Variants in LDLRAD4 observed in about 807,000 individuals in gnomAD.
LDLRAD4 encodes low density lipoprotein receptor class A domain containing 4.
LDLRAD4 carries 5 observed loss-of-function variants against 17.0 expected under a neutral mutation model. The ratio of observed to expected loss-of-function variants is 0.29; its 90% confidence interval spans 0.15 to 0.62. LDLRAD4 has a LOEUF of 0.62. Ranked by LOEUF, LDLRAD4 falls within the 20% of genes least tolerant of loss-of-function variation. The pLI, the probability that LDLRAD4 is intolerant of heterozygous loss-of-function variation, is 0.84. For missense variants in LDLRAD4, 340 were observed against 424.7 expected, an observed-to-expected ratio of 0.80 and a Z score of 1.75; for synonymous variants, 168 against 171.8, an observed-to-expected ratio of 0.98 and a Z score of 0.17.
At position 13,440,016 on chromosome 18, in the gene LDLRAD4, G is replaced by C. The variant is rs966361265; in HGVS notation, c.181+1632G>C. Among the ~76,000 whole-genome samples, 4 of 152,190 alleles carry C rather than the reference G, an allele frequency of 2.6e-5. No homozygotes were observed. Among genetic ancestry groups the C allele is most frequent in the Admixed American group, 2.6e-4 (4 of 15,290 alleles). ...CTCAAGATTACCTCAACCCAGGCTT[G>C]GGGTCTTAGAAGGAGGTGAGTACAA... On this transcript the variant is annotated intron_variant, in intron 3 of 5. Coordinates refer to ENST00000359446, the Ensembl canonical transcript of LDLRAD4. The surrounding 1 kb of genome is among the most constrained non-coding windows in gnomAD (Gnocchi z 4.4).
At chr18:13,609,648 AT>A (rs1220333632) in intron 3 of LDLRAD4, among the ~76,000 whole-genome samples, 1 of 152,200 alleles carries the variant, frequency 6.6e-6, no homozygotes, top group Non-Finnish European at 1.5e-5. Context: ...CTGTGAGAAC[AT>A]TAAACTGAGT....
At chr18:13,560,851 G>A (rs2094532988) in intron 3 of LDLRAD4, among the ~76,000 whole-genome samples, 1 of 152,238 alleles carries the variant, frequency 6.6e-6, no homozygotes, top group Admixed American at 6.5e-5. Context: ...CAGACCTGCG[G>A]TTGAAATGAC....
At chr18:13,419,034 A>G (rs1345382674) in intron 2 of LDLRAD4, among the ~76,000 whole-genome samples, 2 of 152,216 alleles carry the variant, frequency 1.3e-5, no homozygotes, top group East Asian at 1.9e-4. Flanking sequence ...GAGTGCTTCA[A>G]TTGGAATGTA....
intron 1 of LDLRAD4, among the ~76,000 whole-genome samples, chr18:13,230,992 C>T (rs1053469138): frequency 2.6e-5 from 4 of 152,210 alleles, no homozygotes; most frequent in Middle Eastern, 3.4e-3. Context: ...TATTCATGCT[C>T]GGCGCAGGGG....
chr18:13,250,537 T>C (rs2043179139), intron 1 of LDLRAD4, among the ~76,000 whole-genome samples: 1 of 151,228 alleles, frequency 6.6e-6, no homozygotes, highest in African/African-American at 2.4e-5. Flanking sequence ...AAATCAGAAG[T>C]GAAAAAGTGA....
chr18:13,389,859 T>A (rs1174950344), intron 2 of LDLRAD4, among the ~76,000 whole-genome samples: 1 of 152,194 alleles, frequency 6.6e-6, no homozygotes, highest in African/African-American at 2.4e-5. Context: ...TTCTTGCAGA[T>A]AGGACAGTAC....
At chr18:13,223,222 G>T (rs1256049211) in intron 1 of LDLRAD4, among the ~76,000 whole-genome samples, 1 of 152,170 alleles carries the variant, frequency 6.6e-6, no homozygotes, top group Non-Finnish European at 1.5e-5. Flanking sequence ...GTAGGGAAGG[G>T]GGTGGGTGTG....
At chr18:13,425,549 C>T (rs1007848099) in intron 2 of LDLRAD4, among the ~76,000 whole-genome samples, 5 of 152,114 alleles carry the variant, frequency 3.3e-5, no homozygotes, top group Non-Finnish European at 7.3e-5. Context: ...TATGACACGT[C>T]GGGGCTCCAG....
At chr18:13,219,642 C>T (rs9961121) in intron 1 of LDLRAD4, among the ~76,000 whole-genome samples, 4,649 of 152,268 alleles carry the variant, frequency 0.031, 97 homozygotes, top group East Asian at 0.062. Flanking sequence ...TGGTGAGCAG[C>T]ATTGACTCTC....
intron 3 of LDLRAD4, among the ~76,000 whole-genome samples, chr18:13,458,804 A>T (rs913880678): frequency 6.6e-6 from 1 of 152,264 alleles, no homozygotes; most frequent in African/African-American, 2.4e-5. Context: ...GATCAGAGCC[A>T]TGCCATGTGA....
intron 3 of LDLRAD4, among the ~76,000 whole-genome samples, chr18:13,597,790 A>G (rs1023007990): frequency 2.7e-5 from 4 of 145,862 alleles, no homozygotes; most frequent in Non-Finnish European, 4.6e-5. Context: ...CTATTTCTTT[A>G]TTGATCTACT....
At chr18:13,339,418 G>T (rs2082261727) in intron 1 of LDLRAD4, among the ~76,000 whole-genome samples, 1 of 152,024 alleles carries the variant, frequency 6.6e-6, no homozygotes, top group South Asian at 2.1e-4. Context: ...GGCCAGGATG[G>T]TCTCAATCTC....
intron 3 of LDLRAD4, among the ~76,000 whole-genome samples, chr18:13,534,220 A>T (rs1260285686): frequency 1.3e-5 from 2 of 152,244 alleles, no homozygotes; most frequent in South Asian, 4.1e-4. Flanking sequence ...TGTGGCCTGC[A>T]TATGAATATA....
intron 3 of LDLRAD4, among the ~76,000 whole-genome samples, chr18:13,481,759 T>G (rs986208809): frequency 2.9e-4 from 44 of 152,214 alleles, no homozygotes; most frequent in Non-Finnish European, 5.1e-4. Flanking sequence ...GCAGCCATGT[T>G]CTGTTCTCCA....
intron 1 of LDLRAD4, among the ~76,000 whole-genome samples, chr18:13,287,458 G>A (rs1054836535): frequency 2.0e-5 from 3 of 152,218 alleles, no homozygotes; most frequent in Non-Finnish European, 2.9e-5. Flanking sequence ...TTTGCCTTCT[G>A]TATCTCTTGA....
intron 2 of LDLRAD4, among the ~76,000 whole-genome samples, chr18:13,426,604 A>G (rs2089959337): frequency 6.6e-6 from 1 of 152,114 alleles, no homozygotes; most frequent in Non-Finnish European, 1.5e-5. Flanking sequence ...AGTGCACGCA[A>G]TAGCTTGCCA....
intron 3 of LDLRAD4, among the ~76,000 whole-genome samples, chr18:13,500,419 G>A (rs1033202244): frequency 7.2e-5 from 11 of 152,230 alleles, no homozygotes; most frequent in Admixed American, 2.0e-4. Context: ...CACACCTAAC[G>A]CTGCTGCTCC....
At chr18:13,221,457 C>T (rs371440599) in intron 1 of LDLRAD4, among the ~76,000 whole-genome samples, 3 of 152,094 alleles carry the variant, frequency 2.0e-5, no homozygotes, top group Admixed American at 1.3e-4. Flanking sequence ...TACGGGTGTA[C>T]ATGGAAGATG....
chr18:13,349,583 G>A (rs1240780190), intron 1 of LDLRAD4, among the ~76,000 whole-genome samples: 2 of 151,982 alleles, frequency 1.3e-5, no homozygotes, highest in Non-Finnish European at 1.5e-5. Context: ...CTCAGCTTTT[G>A]TTGATCTGAG....
Sources: allele counts gnomAD v4.1 joint callset (sites outside exome capture counted in the v4.1 genomes callset), GRCh38; gene constraint gnomAD v4.1.1; non-coding constraint Gnocchi (gnomAD v3.1); transcripts MANE v1.5; gene names NCBI Gene and HGNC (gene_info 2026-07-23, HGNC 2026-07-21).